PTRH1: variants seen among roughly 807,000 people sequenced by gnomAD.
PTRH1 encodes peptidyl-tRNA hydrolase.
A neutral mutation model predicts 15.7 loss-of-function variants in PTRH1; 13 were observed. The ratio of observed to expected loss-of-function variants is 0.83; its 90% confidence interval spans 0.54 to 1.31. The LOEUF is 1.31. PTRH1 is among the 40% of genes most tolerant of loss of function. The pLI is 0.00. For missense variants in PTRH1, 319 were observed against 296.2 expected (o/e 1.08, Z -0.56); for synonymous variants, 139 against 136.7 (o/e 1.02, Z -0.12).
downstream of PTRH1, chr9:127,710,543 G>A (rs1012621613): frequency 5.8e-6 from 9 of 1,546,860 alleles, no homozygotes; most frequent in East Asian, 7.3e-5. Flanking sequence ...TAAGGTCCTC[G>A]CCAGGCCCTG....
chr9:127,712,847 TCA>T, downstream of PTRH1: 1 of 1,612,728 alleles, frequency 6.2e-7, no homozygotes, highest in Non-Finnish European at 8.5e-7. Flanking sequence ...CCACCAGGAG[TCA>T]CAGTCCCATG....
chr9:127,713,759 G>T (rs569659059), downstream of PTRH1: 1 of 1,249,284 alleles, frequency 8.0e-7, no homozygotes, highest in Non-Finnish European at 1.2e-6. Context: ...CCCCAGCCTC[G>T]GCCTCCCAAA....
downstream of PTRH1, chr9:127,712,031 C>A: frequency 6.5e-7 from 1 of 1,529,200 alleles, no homozygotes; most frequent in Non-Finnish European, 8.8e-7. Flanking sequence ...ATCCCACGAC[C>A]CAGGCCAGTG....
downstream of PTRH1, chr9:127,713,331 C>A (rs1842812890): frequency 1.1e-5 from 8 of 740,794 alleles, no homozygotes; most frequent in Admixed American, 3.5e-5. Flanking sequence ...GCCTTCCCAT[C>A]TGTAAAATGG....
downstream of PTRH1, chr9:127,711,554 G>A (rs1842765409): frequency 2.5e-6 from 4 of 1,576,014 alleles, no homozygotes; most frequent in Admixed American, 3.5e-5. Flanking sequence ...GGCCGCCCTG[G>A]GGGCCCTGCA....
At position 127,695,053 on chromosome 9, in the gene PTRH1, TTGATGATGATGATGA is replaced by T. The variant is rs57076743; in HGVS notation, c.279_293del (p.His93_His97del). ...AGGAAGCACAGTGAGGGCTCAGCCA[TTGATGATGATGATGA>T]TGATGATGATGATGATGATGATGAT... On this transcript the variant is annotated inframe_deletion, in exon 2 of 3. Coordinates refer to the PTRH1 transcript ENST00000335223. The T allele has an allele frequency of 2.0e-3, 1,322 of 671,816 alleles. 9 individuals are homozygous for T. The highest frequency in any genetic ancestry group is 0.02 in the African/African-American group (1,075 of 54,942). 41.6% of individuals were successfully genotyped at this position (671,816 alleles called of 1,614,324 possible).
chr9:127,695,977 G>A (rs1457887094), intron 1 of PTRH1: 2 of 152,090 alleles, frequency 1.3e-5, no homozygotes, highest in East Asian at 1.9e-4. Context: ...AATGAGCCAC[G>A]GGCTTAAAAG....
intron 1 of PTRH1, chr9:127,707,005 G>A (rs775809287): frequency 6.2e-6 from 10 of 1,611,930 alleles, no homozygotes; most frequent in Non-Finnish European, 7.6e-6. Context: ...CTCTTCCTGG[G>A]GCCTGGAGCC....
At chr9:127,710,733 A>C (rs1842746586), downstream of PTRH1, 1 of 1,568,442 alleles carries the variant, frequency 6.4e-7, no homozygotes, top group Non-Finnish European at 8.7e-7. Context: ...CTGGAGAAGA[A>C]GTCGGTGCTG....
intron 1 of PTRH1, among the ~76,000 whole-genome samples, chr9:127,702,099 C>T (rs573446661): frequency 1.6e-4 from 24 of 150,776 alleles, no homozygotes; most frequent in African/African-American, 5.6e-4. Flanking sequence ...GTAGGCTGGG[C>T]GTGGTGGCTC....
chr9:127,698,650 C>A (rs1034163396), intron 1 of PTRH1, among the ~76,000 whole-genome samples: 5 of 152,222 alleles, frequency 3.3e-5, no homozygotes, highest in Non-Finnish European at 7.3e-5. Context: ...GCACTCCAGC[C>A]TGGGCAACAG....
chr9:127,714,508 G>A (rs943634539), intron 3 of PTRH1, 84 bp from the exon 4 acceptor site: 46 of 1,598,162 alleles, frequency 2.9e-5, no homozygotes, highest in Non-Finnish European at 3.5e-5. Context: ...GGTCAGAGCA[G>A]CCCATTTCCT....
downstream of PTRH1, chr9:127,713,265 G>A: frequency 7.6e-7 from 1 of 1,308,476 alleles, no homozygotes; most frequent in Non-Finnish European, 1.0e-6. Context: ...GGTACAAACT[G>A]AGGCTCTGCC....
In PTRH1 at chr9:127,705,970, G is replaced by A. The variant is rs1186961984; in HGVS notation, c.205+9465C>T. On this transcript the variant is annotated intron_variant, in intron 1 of 2. Coordinates refer to the PTRH1 transcript ENST00000335223. The surrounding 1 kb of genome is among the most constrained non-coding windows in gnomAD (Gnocchi z 4.7). ...ACCACAGGCGAGGTCCAGGGCTGTC[G>A]GAAATTCCAGGCAGGCCTGCCTACC... 6.6e-6 allele frequency among the ~76,000 whole-genome samples: 1 copy of A among 152,232 alleles called. No individual in the cohort carries two copies. Among genetic ancestry groups the A allele is most frequent in the Non-Finnish European group, 1.5e-5 (1 of 68,026 alleles).
chr9:127,707,082 G>A (rs201755131), intron 1 of PTRH1: 2 of 1,613,976 alleles, frequency 1.2e-6, no homozygotes, highest in East Asian at 2.2e-5. Context: ...TTGAAGTCAA[G>A]AAGAAAGGGG....
chr9:127,710,656 C>G, downstream of PTRH1: 2 of 1,586,980 alleles, frequency 1.3e-6, no homozygotes, highest in Non-Finnish European at 1.7e-6. Context: ...AGGTCACGGA[C>G]AAGTTCACAT....
chr9:127,709,755 T>A (rs1422012994), downstream of PTRH1: 2 of 1,542,776 alleles, frequency 1.3e-6, no homozygotes, highest in Non-Finnish European at 1.8e-6. The surrounding 1 kb of genome is among the most constrained non-coding windows in gnomAD (Gnocchi z 4.7). Flanking sequence ...ACTGACCCTG[T>A]TTCTCACCTG....
chr9:127,697,206 CCA>C (rs1280118626), intron 1 of PTRH1, among the ~76,000 whole-genome samples: 1 of 152,110 alleles, frequency 6.6e-6, no homozygotes, highest in Non-Finnish European at 1.5e-5. Flanking sequence ...TAAGCCAAGC[CCA>C]GTTTTCCAGA....
At chr9:127,712,420 G>C, downstream of PTRH1, 1 of 1,576,646 alleles carries the variant, frequency 6.3e-7, no homozygotes, top group African/African-American at 1.3e-5. Flanking sequence ...TGCTTGCAGA[G>C]AAGGGGCTGC....
Sources: gnomAD v4.1 joint callset for allele counts (sites outside exome capture counted in the v4.1 genomes callset) on GRCh38, gnomAD v4.1.1 for gene constraint, Gnocchi (gnomAD v3.1) non-coding constraint, MANE v1.5 for transcripts, NCBI Gene and HGNC (gene_info 2026-07-23, HGNC 2026-07-21) for gene names.